The following TTC27 variants were observed in gnomAD, a reference collection of about 807,000 sequenced individuals.
TTC27 encodes the protein tetratricopeptide repeat protein 27.
TTC27 carries 79 observed loss-of-function variants against 115.9 expected under a neutral mutation model. The ratio of observed to expected loss-of-function variants is 0.68; its 90% confidence interval spans 0.57 to 0.82. The LOEUF is 0.82. Among genes scored for constraint, TTC27 ranks in the 40% least tolerant of loss-of-function variants. The pLI, the probability that TTC27 is intolerant of heterozygous loss-of-function variation, is 0.00. For missense variants in TTC27, 1,054 were observed against 993.1 expected (o/e 1.06, Z -0.82); for synonymous variants, 401 against 356.0 (o/e 1.13, Z -1.42).
At chr2:32,806,513 T>C (rs190652510) in intron 16 of TTC27, among the ~76,000 whole-genome samples, 50 of 152,326 alleles carry the variant, frequency 3.3e-4, no homozygotes, top group African/African-American at 1.2e-3. Context: ...ACAATTACTG[T>C]AATGGTTTTT....
Position 32,678,919 on chromosome 2 carries a change from A to T in TTC27, c.1116A>T (p.Thr372=). ...CTGAAGTGGAGCTTCTGGCATTTAC[A>T]TCAGTGAGTAATGTCTTTTTCTCTT... is the stretch of plus-strand genomic sequence containing the variant. ...TLTEVELLAF[T]SCLLSQPKFW... is the part of the protein sequence containing the mutation. The change falls in exon 9 of 20, where the codon ACA becomes ACT. Residue 372 remains threonine, a synonymous_variant. Coordinates refer to ENST00000317907, the MANE Select transcript of TTC27 (RefSeq NM_017735.5). 1 of 1,612,688 alleles carries T rather than the reference A, an allele frequency of 6.2e-7. No individual in the cohort carries two copies. Among genetic ancestry groups the T allele is most frequent in the Non-Finnish European group, 8.5e-7 (1 of 1,178,988 alleles).
Position 32,787,156 on chromosome 2 carries a change from T to C in TTC27, c.1998+7T>C. 1 of 1,603,124 alleles carries C rather than the reference T, an allele frequency of 6.2e-7. No individual in the cohort carries two copies. ...CAAATACAAAGATGTTCAGGTAGGATATTCCTATTCCGTTATTTCAGTTTG... is the reference window on the plus strand; with the variant it reads ...CAAATACAAAGATGTTCAGGTAGGACATTCCTATTCCGTTATTTCAGTTTG... On this transcript the variant is annotated splice_region_variant and intron_variant, in intron 16 of 19. Coordinates refer to ENST00000317907, the MANE Select transcript of TTC27 (RefSeq NM_017735.5).
intron 10 of TTC27, among the ~76,000 whole-genome samples, chr2:32,709,925 T>C (rs891108865): frequency 6.6e-6 from 1 of 152,228 alleles, no homozygotes; most frequent in Admixed American, 6.5e-5. Flanking sequence ...GGCTAAAATA[T>C]AGTTTATTTA....
At position 32,702,924 on chromosome 2, in the gene TTC27, A is replaced by G; in HGVS notation, c.1233+4A>G. The G allele has an allele frequency of 6.2e-7, 1 of 1,607,716 alleles. No homozygotes were observed. On this transcript the variant is annotated splice_donor_region_variant and intron_variant, in intron 10 of 19. Transcript: ENST00000317907. ...ACGGGCAATGAGGCAGACACAGGTA[A>G]GAATTAATGTGGCAATTTGTGTGCT...
intron 13 of TTC27, among the ~76,000 whole-genome samples, chr2:32,772,074 A>G (rs187480701): frequency 3.9e-5 from 6 of 152,330 alleles, no homozygotes; most frequent in Admixed American, 2.6e-4. Flanking sequence ...CCCATTGCAG[A>G]TGTGTCTTAA....
chr2:32,777,536 T>C (rs1371299055), intron 13 of TTC27, among the ~76,000 whole-genome samples: 1 of 152,252 alleles, frequency 6.6e-6, no homozygotes, highest in African/African-American at 2.4e-5. Context: ...TCAGTAGAGA[T>C]GCAACCATCC....
intron 1 of TTC27, among the ~76,000 whole-genome samples, chr2:32,629,303 T>A (rs2063540050): frequency 1.3e-5 from 2 of 150,398 alleles, no homozygotes; most frequent in Non-Finnish European, 3.0e-5. Flanking sequence ...GTGTTTTTAG[T>A]AGAGACGGCT....
At chr2:32,807,887 C>CACT (rs1671184927) in intron 16 of TTC27, among the ~76,000 whole-genome samples, 1 of 151,272 alleles carries the variant, frequency 6.6e-6, no homozygotes, top group African/African-American at 2.4e-5. Flanking sequence ...CCTTTCTGGC[C>CACT]ACTCCTTTTC....
At chr2:32,773,444 C>T (rs1375024810) in intron 13 of TTC27, among the ~76,000 whole-genome samples, 2 of 152,220 alleles carry the variant, frequency 1.3e-5, no homozygotes, top group East Asian at 3.8e-4. Context: ...TTTCCCAGCA[C>T]ATGTTAACTG....
In TTC27 at chr2:32,628,123, G is replaced by T. The variant is rs1408237580; in HGVS notation, c.-170G>T. The T allele has an allele frequency of 3.3e-6, 2 of 613,404 alleles. No individual in the cohort carries two copies. The highest frequency in any genetic ancestry group is 5.7e-6 in the Non-Finnish European group (2 of 353,472). The allele number at this position is 613,404 out of a possible 1,614,324, so 38.0% of individuals were successfully genotyped here. Reference sequence around the variant, plus strand: ...GGTGCCCCGCGCTGCTGTTATGGCCGCCTCCTTGAGGTAGTATCCGCACAT... The same window carrying T: ...GGTGCCCCGCGCTGCTGTTATGGCCTCCTCCTTGAGGTAGTATCCGCACAT... On this transcript the variant is annotated 5_prime_UTR_variant, in exon 1 of 20. Transcript: ENST00000317907.
chr2:32,683,676 C>G (rs960015515), intron 9 of TTC27, among the ~76,000 whole-genome samples: 1 of 152,010 alleles, frequency 6.6e-6, no homozygotes, highest in African/African-American at 2.4e-5. Flanking sequence ...TAAAAATAAC[C>G]CATATTGTTT....
At chr2:32,679,862 C>A (rs1329405377) in intron 9 of TTC27, among the ~76,000 whole-genome samples, 2 of 152,002 alleles carry the variant, frequency 1.3e-5, no homozygotes, top group African/African-American at 4.8e-5. Context: ...CTTGGTGGTA[C>A]ATGTCTGTAA....
intron 9 of TTC27, among the ~76,000 whole-genome samples, chr2:32,682,940 G>A (rs1231517240): frequency 1.5e-5 from 2 of 134,302 alleles, no homozygotes; most frequent in Non-Finnish European, 1.5e-5. Context: ...TGCAAGCTCC[G>A]CCTCCCGGGT....
In TTC27 at chr2:32,811,196, G is replaced by A. The variant is rs200888390; in HGVS notation, c.2171G>A (p.Ser724Asn). Residue 724 changes from serine to asparagine, a missense_variant, in exon 17 of 20, where the codon AGT becomes AAT. Physicochemically the swap from Ser to Asn is conservative, Grantham distance 46. Transcript: ENST00000317907. ...LYAHVYGNGQ[S>N]EKPDENEKAF... ...GCCCACGTATATGGAAATGGGCAGA[G>A]TGAAAAGCCTGATGAAAATGAAAAG... The A allele has an allele frequency of 1.1e-5, 17 of 1,614,030 alleles. No individual in the cohort carries two copies. The East Asian group carries it at 3.8e-4, about 36-fold the overall frequency.
intron 12 of TTC27, among the ~76,000 whole-genome samples, chr2:32,758,087 C>G (rs911113444): frequency 2.0e-5 from 3 of 152,128 alleles, no homozygotes; most frequent in Non-Finnish European, 4.4e-5. Context: ...GGTCTGGGAC[C>G]AAACCCGCAA....
At chr2:32,710,849 C>T (rs1667551314) in intron 10 of TTC27, among the ~76,000 whole-genome samples, 1 of 151,754 alleles carries the variant, frequency 6.6e-6, no homozygotes, top group African/African-American at 2.4e-5. Flanking sequence ...AGCAGTTGCT[C>T]ACATCTGTAA....
chr2:32,710,028 A>G (rs971354551), intron 10 of TTC27, among the ~76,000 whole-genome samples: 7 of 152,162 alleles, frequency 4.6e-5, no homozygotes, highest in South Asian at 2.1e-4. Flanking sequence ...GTTTGTTTGT[A>G]TTTGAGATAG....
At chr2:32,652,139 C>T (rs756414062) in intron 5 of TTC27, among the ~76,000 whole-genome samples, 1 of 151,994 alleles carries the variant, frequency 6.6e-6, no homozygotes, top group Non-Finnish European at 1.5e-5. Flanking sequence ...TTTGGGAGGT[C>T]GAGGCAGGTA....
intron 15 of TTC27, among the ~76,000 whole-genome samples, chr2:32,783,039 T>C (rs1348223036): frequency 6.6e-6 from 1 of 152,152 alleles, no homozygotes; most frequent in Non-Finnish European, 1.5e-5. Context: ...CTAGACATTA[T>C]TGAGAAATAT....
Sources: gnomAD v4.1 joint callset for allele counts (sites outside exome capture counted in the v4.1 genomes callset) on GRCh38, gnomAD v4.1.1 for gene constraint, MANE v1.5 for transcripts, NCBI Gene and HGNC (gene_info 2026-07-23, HGNC 2026-07-21) for gene names.